Variants in MEGF11 observed in about 807,000 individuals in gnomAD.
MEGF11 encodes multiple EGF like domains 11, also known as multiple epidermal growth factor-like domains protein 11.
MEGF11 carries 126 observed loss-of-function variants against 146.6 expected under a neutral mutation model. The observed-to-expected ratio is 0.86, with a 90% CI of 0.74 to 1.00. The LOEUF (loss-of-function observed/expected upper bound fraction) is 1.00, where lower values mean the gene tolerates loss of function less well. MEGF11 is among the 50% of genes least tolerant of loss of function. The pLI, the probability that MEGF11 is intolerant of heterozygous loss-of-function variation, is 0.00. For synonymous variants in MEGF11, 532 were observed against 583.4 expected (o/e 0.91, Z 1.27); for missense variants, 1,509 against 1,521.2 (o/e 0.99, Z 0.13).
At chr15:66,214,609 C>G (rs895012419) in intron 1 of MEGF11, among the ~76,000 whole-genome samples, 5 of 152,178 alleles carry the variant, frequency 3.3e-5, no homozygotes, top group African/African-American at 9.7e-5. Context: ...GTAAAGCCAG[C>G]CAGGTAGGAT....
chr15:66,161,868 T>C (rs2089962433), intron 1 of MEGF11, among the ~76,000 whole-genome samples: 1 of 152,158 alleles, frequency 6.6e-6, no homozygotes, highest in Non-Finnish European at 1.5e-5. Context: ...CACCAGTGGC[T>C]TTCAAGTCTT....
intron 5 of MEGF11, among the ~76,000 whole-genome samples, chr15:65,997,007 G>A (rs1362812086): frequency 3.3e-5 from 5 of 152,190 alleles, no homozygotes; most frequent in East Asian, 1.9e-4. Flanking sequence ...TGGGAAGCAC[G>A]TCGCTTTGGG....
intron 5 of MEGF11, among the ~76,000 whole-genome samples, chr15:66,009,246 T>G (rs530957259): frequency 0.62 from 89,595 of 145,066 alleles, 28,039 homozygotes; most frequent in Non-Finnish European, 0.7. Flanking sequence ...CCTAAGTTTT[T>G]TTTTTTTTTT....
chr15:66,156,599 A>T (rs950880179), intron 1 of MEGF11, among the ~76,000 whole-genome samples: 1 of 149,302 alleles, frequency 6.7e-6, no homozygotes, highest in Admixed American at 6.7e-5. Flanking sequence ...CTGAGTCAAG[A>T]CTCCTGCCAG....
At chr15:66,175,677 C>A (rs958022349) in intron 1 of MEGF11, among the ~76,000 whole-genome samples, 4 of 152,148 alleles carry the variant, frequency 2.6e-5, no homozygotes, top group African/African-American at 9.7e-5. Context: ...AACTCAAAAT[C>A]TATTAAAGAC....
chr15:65,902,818 G>C (rs1322556778), intron 24 of MEGF11, among the ~76,000 whole-genome samples: 1 of 152,180 alleles, frequency 6.6e-6, no homozygotes, highest in Non-Finnish European at 1.5e-5. Context: ...GACAGAGGGG[G>C]CTTCTGAGAT....
At chr15:66,203,436 CTG>C (rs1246237097) in intron 1 of MEGF11, among the ~76,000 whole-genome samples, 1 of 152,228 alleles carries the variant, frequency 6.6e-6, no homozygotes, top group Non-Finnish European at 1.5e-5. Context: ...TAGTCAGACT[CTG>C]GGGTCCCAGG....
rs144899037 is a variant in MEGF11 at position 66,062,586 on chromosome 15, G to A, written c.394+31816C>T. On this transcript the variant is annotated intron_variant, in intron 5 of 25. Transcript: ENST00000395614. ...TCCTCTGATGAGACTGCAGCCCACC[G>A]ACACCTTGGTTGTAACCTTGTGAGA... Among the ~76,000 whole-genome samples the A allele has an allele frequency of 3.4e-3, 518 of 152,300 alleles. 3 individuals are homozygous for A. Among genetic ancestry groups the A allele is most frequent in the Admixed American group, 4.1e-3 (63 of 15,290 alleles).
intron 8 of MEGF11, among the ~76,000 whole-genome samples, chr15:65,970,329 T>G (rs1371091881): frequency 1.3e-5 from 2 of 152,156 alleles, no homozygotes; most frequent in Non-Finnish European, 2.9e-5. Context: ...GGTGAGCCCA[T>G]TTAAATTCAG....
chr15:66,044,058 G>T (rs2084099724), intron 5 of MEGF11, among the ~76,000 whole-genome samples: 1 of 152,142 alleles, frequency 6.6e-6, no homozygotes, highest in African/African-American at 2.4e-5. Context: ...AAAGTTTTGA[G>T]AATGCTTCCC....
At chr15:65,980,000 A>G (rs1291307245) in intron 7 of MEGF11, among the ~76,000 whole-genome samples, 1 of 152,120 alleles carries the variant, frequency 6.6e-6, no homozygotes, top group East Asian at 1.9e-4. Flanking sequence ...AATCACCTAT[A>G]GTACCTGTTA....
At chr15:66,197,485 C>T (rs1228722506) in intron 1 of MEGF11, among the ~76,000 whole-genome samples, 11 of 152,056 alleles carry the variant, frequency 7.2e-5, no homozygotes, top group Non-Finnish European at 1.5e-4. Context: ...TGCAGTGGTG[C>T]GATCTCAACT....
chr15:66,241,431 CA>C (rs1440551125), intron 1 of MEGF11, among the ~76,000 whole-genome samples: 1 of 152,230 alleles, frequency 6.6e-6, no homozygotes, highest in African/African-American at 2.4e-5. Context: ...TTGAAAACTG[CA>C]GAACTGAAAG....
intron 5 of MEGF11, among the ~76,000 whole-genome samples, chr15:65,992,450 T>TAGG (rs1555459370): frequency 7.9e-6 from 1 of 126,554 alleles, no homozygotes; most frequent in Non-Finnish European, 1.6e-5. Context: ...TGTGTGTGTG[T>TAGG]GGGGGGGGGG....
At chr15:66,227,209 T>C (rs922074369) in intron 1 of MEGF11, among the ~76,000 whole-genome samples, 1 of 152,098 alleles carries the variant, frequency 6.6e-6, no homozygotes, top group Non-Finnish European at 1.5e-5. Context: ...CTTCCTCCAT[T>C]ACCTCACTGA....
intron 23 of MEGF11, among the ~76,000 whole-genome samples, chr15:65,908,238 A>G (rs1226021662): frequency 6.6e-6 from 1 of 152,166 alleles, no homozygotes; most frequent in Non-Finnish European, 1.5e-5. Flanking sequence ...GGATTGGTAG[A>G]GCAGCTCAGT....
Position 65,915,648 on chromosome 15 carries a change from TC to T in MEGF11, c.2345-51del, listed in dbSNP as rs771858706. ...AGAGGACCCACTCACTCTCCACCCCTCCCCTTCCATGTTTAGACAGCTATGG... is the reference window on the plus strand; with the variant it reads ...AGAGGACCCACTCACTCTCCACCCCTCCCTTCCATGTTTAGACAGCTATGG... On this transcript the variant is annotated intron_variant, in intron 18 of 25. Transcript: ENST00000395614. The T allele has an allele frequency of 3.1e-6, 5 of 1,593,800 alleles. No individual in the cohort carries two copies. The South Asian group carries it at 5.7e-5, about 18-fold the overall frequency.
chr15:66,112,384 T>G (rs2087474355), intron 4 of MEGF11, among the ~76,000 whole-genome samples: 1 of 151,790 alleles, frequency 6.6e-6, no homozygotes, highest in Non-Finnish European at 1.5e-5. Flanking sequence ...ACCAGACAGG[T>G]TAATTAGCAG....
chr15:65,934,773 C>T (rs1359955499), intron 10 of MEGF11, among the ~76,000 whole-genome samples: 2 of 152,160 alleles, frequency 1.3e-5, no homozygotes, highest in Admixed American at 1.3e-4. Context: ...CCCCAAAGGA[C>T]AGGGTTTGGA....
Sources: allele counts gnomAD v4.1 joint callset (sites outside exome capture counted in the v4.1 genomes callset), GRCh38; gene constraint gnomAD v4.1.1; transcripts MANE v1.5; gene names NCBI Gene and HGNC (gene_info 2026-07-23, HGNC 2026-07-21).